Variants in CHADL observed in about 807,000 individuals in gnomAD.
CHADL encodes the protein chondroadherin like, also known as chondroadherin-like protein.
Under a neutral mutation model 52.1 loss-of-function variants are expected in CHADL, and 48 were observed. The observed-to-expected ratio is 0.92, with a 90% confidence interval of 0.73 to 1.17. The LOEUF is 1.17. CHADL is among the 50% of genes most tolerant of loss of function. CHADL has a pLI of 0.00. For synonymous variants in CHADL, 498 were observed against 511.2 expected (o/e 0.97, Z 0.35); for missense variants, 977 against 1,035.1 (o/e 0.94, Z 0.77).
chr22:41,230,263 T>A, intron 5 of CHADL: 1 of 1,604,322 alleles, frequency 6.2e-7, no homozygotes, highest in Non-Finnish European at 8.5e-7. Flanking sequence ...CCTTCCTGCC[T>A]CCAGCCTGGC....
intron 5 of CHADL, chr22:41,230,436 G>A: frequency 1.7e-6 from 1 of 593,128 alleles, no homozygotes; most frequent in Admixed American, 3.0e-5. Context: ...TGTTGCTTCT[G>A]CCCTCCCCTG....
chr22:41,232,910 G>T (rs964083992), intron 5 of CHADL, among the ~76,000 whole-genome samples: 1 of 152,108 alleles, frequency 6.6e-6, no homozygotes, highest in Non-Finnish European at 1.5e-5. Flanking sequence ...TCTCATCAAC[G>T]ATAGTTCCGG....
intron 5 of CHADL, chr22:41,230,553 T>C: frequency 2.5e-6 from 1 of 396,734 alleles, no homozygotes; most frequent in Non-Finnish European, 4.6e-6. Flanking sequence ...TGCTCTTCCT[T>C]AAGATGGCCT....
chr22:41,232,142 C>A lies in CHADL; in HGVS notation c.2263-2412G>T, dbSNP rs377715905. Among the ~76,000 whole-genome samples, 166 of 151,922 alleles carry A rather than the reference C, an allele frequency of 1.1e-3. 2 individuals carry two copies. In the Middle Eastern group the frequency reaches 0.02, roughly 19 times the overall value. On this transcript the variant is annotated intron_variant, in intron 5 of 5. Transcript: ENST00000216241. ...GGTCAGGAGATCGAGACCATCCTGGCTAACACGATGAAACCCTGTCTCTAC... is the reference window on the plus strand; with the variant it reads ...GGTCAGGAGATCGAGACCATCCTGGATAACACGATGAAACCCTGTCTCTAC...
intron 5 of CHADL, chr22:41,230,019 G>A: frequency 6.7e-6 from 5 of 749,032 alleles, no homozygotes; most frequent in Non-Finnish European, 1.1e-5. Context: ...GAAGCTGGAG[G>A]GTGAAGGTGC....
At chr22:41,231,292 A>C (rs1447689548) in intron 5 of CHADL, 1 of 152,160 alleles carries the variant, frequency 6.6e-6, no homozygotes, top group Non-Finnish European at 1.5e-5. Flanking sequence ...TTAGATCTCT[A>C]TTCCTTGCAG....
In CHADL at chr22:41,238,285, C is replaced by A. The variant is rs1176448627; in HGVS notation, c.787G>T (p.Gly263Cys). ...LPGLRELLLDGGALQALGPRA... is the reference protein window; with the variant it reads ...LPGLRELLLDCGALQALGPRA... ...GGACCCAGGGCCTGCAGGGCCCCGC[C>A]GTCCAGCAGCAGCTCCCGCAGGCCG... The change falls in exon 3 of 6, where the codon GGC becomes TGC. Residue 263 changes from glycine (G) to cysteine (C), a missense_variant. Coordinates refer to ENST00000216241, the MANE Select transcript of CHADL (RefSeq NM_138481.2). This position sits in a 1 kb window ranked among gnomAD's most constrained non-coding sequence, Gnocchi z 4.9. The A allele has an allele frequency of 4.6e-6, 7 of 1,529,168 alleles. No individual in the cohort carries two copies. The South Asian group carries it at 8.4e-5, about 18-fold the overall frequency. 94.7% of individuals were successfully genotyped at this position (1,529,168 alleles called of 1,614,324 possible).
At chr22:41,239,350 T>C in intron 2 of CHADL, 93 bp downstream of exon 2, 1 of 1,169,916 alleles carries the variant, frequency 8.5e-7, no homozygotes, top group Non-Finnish European at 1.2e-6. Flanking sequence ...GGGCAGGCGG[T>C]GGCAGATCAA....
rs1163235240 is a variant in CHADL, at chr22:41,235,150, C to T, written c.2257G>A (p.Asp753Asn). ...CCTCCTGCCCCATGGCCAACCTTAT[C>T]TGCTCCACACTGTCTTCCTTTGATG... ...TPIKGRQCGADKVGKEKGRL is the reference protein window; with the variant it reads ...TPIKGRQCGANKVGKEKGRL The change falls in exon 5 of 6, where the codon GAT becomes AAT. Residue 753 changes from aspartate (D) to asparagine (N), a missense_variant. Coordinates refer to ENST00000216241, the MANE Select transcript of CHADL (RefSeq NM_138481.2). The T allele has an allele frequency of 1.9e-6, 3 of 1,551,284 alleles. No individual in the cohort carries two copies. Among genetic ancestry groups the T allele is most frequent in the South Asian group, 1.2e-5 (1 of 84,062 alleles).
chr22:41,233,189 CA>C (rs1387527369), intron 5 of CHADL, among the ~76,000 whole-genome samples: 2 of 152,132 alleles, frequency 1.3e-5, no homozygotes, highest in Non-Finnish European at 2.9e-5. Context: ...TGGCTGGGCG[CA>C]GTGGCTCACA....
intron 5 of CHADL, chr22:41,230,373 G>T: frequency 1.4e-6 from 1 of 737,862 alleles, no homozygotes; most frequent in Non-Finnish European, 2.3e-6. Context: ...ATTCTGCCCG[G>T]TGCTGTGAAG....
In CHADL at chr22:41,238,232, C is replaced by A. The variant is rs1336117368; in HGVS notation, c.840G>T (p.Leu280=). ...GPRAFAHCPR[L]HTLDLRGNQL... is the part of the protein sequence containing the mutation. ...GGTTCCCGCGGAGGTCGAGGGTGTG[C>A]AGGCGCGGACAGTGTGCGAAGGCCC... The change falls in exon 3 of 6, where the codon CTG becomes CTT. Residue 280 remains leucine (L), a synonymous_variant. Transcript: ENST00000216241. This position sits in a 1 kb window ranked among gnomAD's most constrained non-coding sequence, Gnocchi z 4.9. 6.5e-7 allele frequency: 1 copy of A among 1,528,450 alleles called. No homozygotes were observed. The allele number at this position is 1,528,450 out of a possible 1,614,324, so 94.7% of individuals were successfully genotyped here. A position where few individuals can be genotyped will look rare whatever the true frequency, so the allele number is the denominator to read the frequency against.
chr22:41,235,242 C>G lies in CHADL; in HGVS notation c.2165G>C (p.Cys722Ser). 1 of 1,551,452 alleles carries G rather than the reference C, an allele frequency of 6.4e-7. No individual in the cohort carries two copies. The highest frequency in any genetic ancestry group is 1.4e-5 in the African/African-American group (1 of 73,202). Residue 722 changes from cysteine (C) to serine (S), a missense_variant, in exon 5 of 6, where the codon TGC (cysteine) becomes TCC (serine). Physicochemically the swap from Cys to Ser is moderately radical, Grantham distance 112. Coordinates refer to ENST00000216241, the MANE Select transcript of CHADL (RefSeq NM_138481.2). ...GGCCTTTCTGGCAGCCCAGCCCGGG[C>G]AGTCTTCAAAGACAGCAGCTGCAGC... is the stretch of plus-strand genomic sequence containing the variant. ...VKAAAAVFED[C>S]PGWAARKAKR...
chr22:41,233,539 A>G (rs909021801), intron 5 of CHADL, among the ~76,000 whole-genome samples: 1 of 152,186 alleles, frequency 6.6e-6, no homozygotes, highest in African/African-American at 2.4e-5. Context: ...CATCACGTGA[A>G]GGTTGGGACA....
At chr22:41,236,406 G>T (rs1352384892) in intron 4 of CHADL, 78 bp downstream of exon 4, 5 of 1,311,954 alleles carry the variant, frequency 3.8e-6, no homozygotes, top group Non-Finnish European at 4.3e-6. Context: ...TGGACATGGT[G>T]TGCCTGGGGA....
In CHADL at chr22:41,236,680, G is replaced by A. The variant is rs913874732; in HGVS notation, c.1897-30C>T. ...AAGGAGTTGCCAGGCCCCAATGTGAGCTCCTGGCAGAGCTGTCCCACCCCC... is the reference window on the plus strand; with the variant it reads ...AAGGAGTTGCCAGGCCCCAATGTGAACTCCTGGCAGAGCTGTCCCACCCCC... On this transcript the variant is annotated intron_variant, in intron 3 of 5. Coordinates refer to ENST00000216241, the MANE Select transcript of CHADL (RefSeq NM_138481.2). 1.1e-5 allele frequency: 17 copies of A among 1,533,708 alleles called. No homozygotes were observed. The East Asian group carries it at 3.9e-4, about 35-fold the overall frequency.
At chr22:41,240,247 C>T (rs1245672000) in intron 1 of CHADL, among the ~76,000 whole-genome samples, 1 of 152,196 alleles carries the variant, frequency 6.6e-6, no homozygotes, top group Non-Finnish European at 1.5e-5. Context: ...ACCACCACGC[C>T]TGGCTAATTT....
intron 5 of CHADL, among the ~76,000 whole-genome samples, chr22:41,232,115 A>G (rs7293137): frequency 0.26 from 38,689 of 151,482 alleles, 5,017 homozygotes; most frequent in Middle Eastern, 0.39. Flanking sequence ...GGCGGATCAC[A>G]AGGTCAGGAG....
At chr22:41,231,798 G>A (rs1404354213) in intron 5 of CHADL, among the ~76,000 whole-genome samples, 2 of 152,178 alleles carry the variant, frequency 1.3e-5, no homozygotes, top group Non-Finnish European at 2.9e-5. Context: ...CCTGGTACAG[G>A]TGAGACCAAA....
Sources: allele counts gnomAD v4.1 joint callset (sites outside exome capture counted in the v4.1 genomes callset), GRCh38; gene constraint gnomAD v4.1.1; non-coding constraint Gnocchi (gnomAD v3.1); transcripts MANE v1.5; gene names NCBI Gene and HGNC (gene_info 2026-07-23, HGNC 2026-07-21).